The following CNTN4 variants were observed in gnomAD, a reference collection of about 807,000 sequenced individuals.
CNTN4 encodes the protein contactin-4.
A neutral mutation model predicts 122.5 loss-of-function variants in CNTN4; 77 were observed. The observed-to-expected ratio is 0.63, with a 90% CI of 0.52 to 0.76. CNTN4 has a LOEUF of 0.76. Ranked by LOEUF, CNTN4 falls within the 30% of genes least tolerant of loss-of-function variation. The pLI, the probability that CNTN4 is intolerant of heterozygous loss-of-function variation, is 0.00. For missense variants in CNTN4, 1,256 were observed against 1,259.1 expected (o/e 1.00, Z 0.04); for synonymous variants, 512 against 447.0 (o/e 1.15, Z -1.83).
At chr3:2,521,343 T>TCGGCCA (rs781282977) in intron 3 of CNTN4, among the ~76,000 whole-genome samples, 1 of 128,310 alleles carries the variant, frequency 7.8e-6, no homozygotes, top group Non-Finnish European at 1.6e-5. Flanking sequence ...CCTCTACCCA[T>TCGGCCA]CCCCCCCACC....
At chr3:2,425,563 T>C (rs1054687711) in intron 3 of CNTN4, among the ~76,000 whole-genome samples, 1 of 152,212 alleles carries the variant, frequency 6.6e-6, no homozygotes, top group African/African-American at 2.4e-5. Flanking sequence ...GGCTCTTTTT[T>C]GGTTCCATAT....
At chr3:2,396,115 C>T (rs1005848148) in intron 3 of CNTN4, among the ~76,000 whole-genome samples, 9 of 151,928 alleles carry the variant, frequency 5.9e-5, no homozygotes, top group African/African-American at 2.2e-4. Context: ...GCCTTGACTT[C>T]CCGAGCTCAG....
At chr3:2,226,229 AGATTATAATATCCTTGAAGGTTG>A (rs2039277043) in intron 2 of CNTN4, among the ~76,000 whole-genome samples, 2 of 152,092 alleles carry the variant, frequency 1.3e-5, no homozygotes, top group African/African-American at 4.8e-5. Context: ...TTCTTCAGGT[AGATTATAATATCCTTGAAGGTTG>A]GACTTGCCTC....
At chr3:2,927,247 C>A in intron 13 of CNTN4, 1 of 450,698 alleles carries the variant, frequency 2.2e-6, no homozygotes, top group Non-Finnish European at 4.5e-6. Flanking sequence ...TAACAAGCAA[C>A]CCTGAGTTCT....
intron 4 of CNTN4, among the ~76,000 whole-genome samples, chr3:2,573,801 C>A (rs761033537): frequency 6.6e-6 from 1 of 152,192 alleles, no homozygotes; most frequent in Non-Finnish European, 1.5e-5. Flanking sequence ...CATTAATATT[C>A]TCTTACCATA....
intron 2 of CNTN4, among the ~76,000 whole-genome samples, chr3:2,193,679 C>A (rs941149781): frequency 6.6e-6 from 1 of 152,130 alleles, no homozygotes; most frequent in Non-Finnish European, 1.5e-5. Context: ...AGTAATGCAT[C>A]ACATATGCAT....
intron 3 of CNTN4, among the ~76,000 whole-genome samples, chr3:2,547,743 A>T (rs2078308894): frequency 6.6e-6 from 1 of 152,172 alleles, no homozygotes; most frequent in Non-Finnish European, 1.5e-5. Context: ...AACCTCCTTT[A>T]GAAGTTTTAC....
At chr3:2,590,414 G>T (rs572104234) in intron 4 of CNTN4, among the ~76,000 whole-genome samples, 1 of 151,854 alleles carries the variant, frequency 6.6e-6, no homozygotes, top group Non-Finnish European at 1.5e-5. Flanking sequence ...ATGCCATCAC[G>T]TCCAGCTAAT....
At chr3:2,402,063 T>C (rs1559521277) in intron 3 of CNTN4, among the ~76,000 whole-genome samples, 2 of 152,124 alleles carry the variant, frequency 1.3e-5, no homozygotes, top group Non-Finnish European at 2.9e-5. Flanking sequence ...GCTACAACCA[T>C]ACTTGAGTAG....
Position 3,050,763 on chromosome 3 carries a change from C to CAA in CNTN4, c.2812-3025_2812-3024dup, listed in dbSNP as rs1184756504. Among the ~76,000 whole-genome samples, 35 of 85,004 alleles carry CAA rather than the reference C, an allele frequency of 4.1e-4. 2 individuals carry two copies. The highest frequency in any genetic ancestry group is 1.1e-3 in the African/African-American group (20 of 18,156). The allele number at this position is 85,004 out of a possible 152,430, so 55.8% of individuals were successfully genotyped here. ...GGGCAATAAGAGTGAAACTCCGTCT[C>CAA]AAAAAAAAAAAAAAAAAAAATCCAG... On this transcript the variant is annotated intron_variant, in intron 23 of 24. Coordinates refer to ENST00000418658, the MANE Select transcript of CNTN4 (RefSeq NM_175607.3).
chr3:2,317,550 G>A (rs996883733), intron 2 of CNTN4, among the ~76,000 whole-genome samples: 8 of 152,092 alleles, frequency 5.3e-5, no homozygotes, highest in East Asian at 1.9e-4. Flanking sequence ...CCATTGGTTC[G>A]TTGTGCAGTG....
chr3:2,652,433 C>G (rs2083404253), intron 4 of CNTN4, among the ~76,000 whole-genome samples: 1 of 152,174 alleles, frequency 6.6e-6, no homozygotes, highest in Non-Finnish European at 1.5e-5. Flanking sequence ...ACAGACACCT[C>G]TCTCCCAAAA....
In CNTN4 at chr3:2,529,703, A is replaced by G. The variant is rs1174945070; in HGVS notation, c.-88-41713A>G. ...GATCTTTGCATAGGCTAAACTATTCACACTCTGTTTAGCTGCCTTGATCGT... is the reference window on the plus strand; with the variant it reads ...GATCTTTGCATAGGCTAAACTATTCGCACTCTGTTTAGCTGCCTTGATCGT... On this transcript the variant is annotated intron_variant, in intron 3 of 24. Transcript: ENST00000418658. Among the ~76,000 whole-genome samples, 3 of 152,090 alleles carry G rather than the reference A, an allele frequency of 2.0e-5. No individual in the cohort carries two copies. In the East Asian group the frequency reaches 5.8e-4, roughly 29 times the overall value.
chr3:2,385,323 A>C lies in CNTN4; in HGVS notation c.-89+46090A>C, dbSNP rs2046208455. On this transcript the variant is annotated intron_variant, in intron 3 of 24. Transcript: ENST00000418658. The surrounding 1 kb of genome is among the most constrained non-coding windows in gnomAD (Gnocchi z 4.0). ...CTCTCCCAACAAACAATACCTGTTT[A>C]TAGTTTTGTTTATATTACTCTTGTT... Among the ~76,000 whole-genome samples, 1 of 152,082 alleles carries C rather than the reference A, an allele frequency of 6.6e-6. No homozygotes were observed. Among genetic ancestry groups the C allele is most frequent in the Non-Finnish European group, 1.5e-5 (1 of 68,040 alleles).
chr3:3,037,354 A>G (rs1486757280), intron 18 of CNTN4, 26 bp downstream of exon 18: 3 of 1,613,864 alleles, frequency 1.9e-6, no homozygotes, highest in East Asian at 4.5e-5. Context: ...GATTCAGATC[A>G]TCTGTTCTGC....
At chr3:2,819,808 A>G (rs2092822714) in intron 7 of CNTN4, among the ~76,000 whole-genome samples, 1 of 152,192 alleles carries the variant, frequency 6.6e-6, no homozygotes, top group African/African-American at 2.4e-5. Flanking sequence ...ACAAGAAGAA[A>G]GACACCTGAG....
chr3:2,363,304 C>T (rs1229505005), intron 3 of CNTN4, among the ~76,000 whole-genome samples: 1 of 152,170 alleles, frequency 6.6e-6, no homozygotes, highest in Non-Finnish European at 1.5e-5. Flanking sequence ...CTAGGCTAAG[C>T]CTGTCACCTC....
intron 13 of CNTN4, among the ~76,000 whole-genome samples, chr3:2,957,254 G>C (rs113562592): frequency 6.6e-6 from 1 of 152,084 alleles, no homozygotes; most frequent in African/African-American, 2.4e-5. Flanking sequence ...ATTCCTATCA[G>C]CAGTGTACAA....
intron 4 of CNTN4, among the ~76,000 whole-genome samples, chr3:2,704,416 C>A (rs1006283889): frequency 2.7e-5 from 4 of 150,734 alleles, no homozygotes; most frequent in Non-Finnish European, 4.4e-5. Context: ...ATTGAAAGTA[C>A]GATATGGCTC....
Sources: allele counts gnomAD v4.1 joint callset (sites outside exome capture counted in the v4.1 genomes callset), GRCh38; gene constraint gnomAD v4.1.1; non-coding constraint Gnocchi (gnomAD v3.1); transcripts MANE v1.5; gene names NCBI Gene and HGNC (gene_info 2026-07-23, HGNC 2026-07-21).